SHISA6: variants seen among roughly 807,000 people sequenced by gnomAD.
SHISA6 encodes shisa family member 6, also known as protein shisa-6.
SHISA6 carries 22 observed loss-of-function variants against 47.9 expected under a neutral mutation model. The observed-to-expected ratio is 0.46, with a 90% CI of 0.33 to 0.66. The LOEUF is 0.66. Among genes scored for constraint, SHISA6 ranks in the 30% least tolerant of loss-of-function variants. The probability of loss-of-function intolerance (pLI) is 0.02; values close to 1 mark genes in which losing one functional copy is unlikely to be tolerated. For missense variants in SHISA6, 680 were observed against 764.6 expected, an observed-to-expected ratio of 0.89 and a Z score of 1.30; for synonymous variants, 388 against 337.8, an observed-to-expected ratio of 1.15 and a Z score of -1.63.
intron 2 of SHISA6, among the ~76,000 whole-genome samples, chr17:11,324,255 T>A (rs962409117): frequency 3.9e-5 from 6 of 152,194 alleles, no homozygotes; most frequent in Non-Finnish European, 8.8e-5. Flanking sequence ...AAGGGAAGAC[T>A]TTCCAATCCT....
At chr17:11,406,090 G>C (rs1234933407) in intron 3 of SHISA6, among the ~76,000 whole-genome samples, 1 of 152,170 alleles carries the variant, frequency 6.6e-6, no homozygotes, top group East Asian at 1.9e-4. Flanking sequence ...CCTTTGCACA[G>C]AAAATTAATT....
intron 2 of SHISA6, among the ~76,000 whole-genome samples, chr17:11,266,301 T>C (rs1908422320): frequency 6.6e-6 from 1 of 152,154 alleles, no homozygotes; most frequent in Non-Finnish European, 1.5e-5. Flanking sequence ...AGCATATGAG[T>C]AGCTTTGCTA....
At chr17:11,380,233 A>G (rs1261682365) in intron 3 of SHISA6, 1 of 152,212 alleles carries the variant, frequency 6.6e-6, no homozygotes, top group Non-Finnish European at 1.5e-5. Flanking sequence ...GTGCTGTTAT[A>G]GATCAAATGT....
chr17:11,496,623 C>T (rs966867180), intron 3 of SHISA6, among the ~76,000 whole-genome samples: 1 of 151,988 alleles, frequency 6.6e-6, no homozygotes, highest in Non-Finnish European at 1.5e-5. Context: ...CCTGTAATCC[C>T]AGCTACTCGG....
At chr17:11,491,086 G>A (rs749023290) in intron 3 of SHISA6, among the ~76,000 whole-genome samples, 3 of 152,204 alleles carry the variant, frequency 2.0e-5, no homozygotes, top group Non-Finnish European at 2.9e-5. Flanking sequence ...GTCGGGTTAG[G>A]GGCATCTCCA....
intron 2 of SHISA6, among the ~76,000 whole-genome samples, chr17:11,316,406 T>C (rs1026485470): frequency 1.5e-5 from 1 of 68,850 alleles, no homozygotes; most frequent in Non-Finnish European, 2.6e-5. Flanking sequence ...TGTCTCTCTC[T>C]CTCTCTCTCT....
chr17:11,354,868 G>T (rs1278099652), intron 2 of SHISA6, among the ~76,000 whole-genome samples: 1 of 152,146 alleles, frequency 6.6e-6, no homozygotes, highest in Admixed American at 6.5e-5. Flanking sequence ...GTTCCATTGA[G>T]CTTTAGATGT....
intron 2 of SHISA6, among the ~76,000 whole-genome samples, chr17:11,371,895 A>G (rs910175113): frequency 6.6e-6 from 1 of 152,116 alleles, no homozygotes; most frequent in Admixed American, 6.6e-5. Flanking sequence ...CCCTCTCCTC[A>G]AAGGAAAGAA....
intron 3 of SHISA6, among the ~76,000 whole-genome samples, chr17:11,407,156 C>T (rs1913989846): frequency 6.6e-6 from 1 of 151,944 alleles, no homozygotes; most frequent in Non-Finnish European, 1.5e-5. Context: ...CATATATTAA[C>T]TCATTTATAC....
intron 2 of SHISA6, among the ~76,000 whole-genome samples, chr17:11,319,746 C>T (rs370134994): frequency 2.0e-5 from 3 of 152,268 alleles, no homozygotes; most frequent in African/African-American, 7.2e-5. Context: ...GTATTCAATT[C>T]CTTAAAGTGT....
intron 1 of SHISA6, among the ~76,000 whole-genome samples, chr17:11,242,567 C>T (rs1159383900): frequency 1.3e-5 from 2 of 152,124 alleles, no homozygotes; most frequent in Non-Finnish European, 2.9e-5. Context: ...TGCCTCCTGC[C>T]GGAAGTAGGG....
intron 3 of SHISA6, among the ~76,000 whole-genome samples, chr17:11,393,717 C>T (rs187180070): frequency 1.3e-5 from 2 of 152,084 alleles, no homozygotes; most frequent in East Asian, 3.9e-4. Context: ...TCTTTCATTC[C>T]TCTATTCTGT....
At chr17:11,260,040 G>T (rs1448825088) in intron 1 of SHISA6, among the ~76,000 whole-genome samples, 1 of 152,204 alleles carries the variant, frequency 6.6e-6, no homozygotes, top group African/African-American at 2.4e-5. Context: ...AATGCATCGA[G>T]AAATTATTAA....
At chr17:11,482,781 A>T (rs764390421) in intron 3 of SHISA6, among the ~76,000 whole-genome samples, 1 of 152,198 alleles carries the variant, frequency 6.6e-6, no homozygotes, top group East Asian at 1.9e-4. Context: ...AGAGGAGAAG[A>T]AGTAAGATGC....
At chr17:11,300,877 G>A (rs1218883892) in intron 2 of SHISA6, among the ~76,000 whole-genome samples, 4 of 52,308 alleles carry the variant, frequency 7.6e-5, no homozygotes, top group Non-Finnish European at 1.2e-4. Flanking sequence ...CCACCCTCCC[G>A]CCCCATCTGC....
intron 2 of SHISA6, among the ~76,000 whole-genome samples, chr17:11,343,524 T>C (rs1204101346): frequency 2.0e-5 from 3 of 152,054 alleles, no homozygotes; most frequent in Non-Finnish European, 4.4e-5. Context: ...ATCTCAATCC[T>C]GCTGGGAACA....
chr17:11,327,564 AG>A (rs1910942030), intron 2 of SHISA6, among the ~76,000 whole-genome samples: 1 of 152,244 alleles, frequency 6.6e-6, no homozygotes, highest in African/African-American at 2.4e-5. Flanking sequence ...TGGGAGGCCA[AG>A]GCGGGTGGAT....
intron 2 of SHISA6, among the ~76,000 whole-genome samples, chr17:11,278,692 A>G (rs2142159196): frequency 6.6e-6 from 1 of 152,354 alleles, no homozygotes; most frequent in Non-Finnish European, 1.5e-5. Flanking sequence ...GGCGAAGGCC[A>G]CATTTATCCC....
chr17:11,417,985 A>G (rs1914333863), intron 3 of SHISA6, among the ~76,000 whole-genome samples: 1 of 152,218 alleles, frequency 6.6e-6, no homozygotes, highest in Non-Finnish European at 1.5e-5. Context: ...GTTAGAAGAT[A>G]GTAAGAAGAA....
Sources: gnomAD v4.1 joint callset for allele counts (sites outside exome capture counted in the v4.1 genomes callset) on GRCh38, gnomAD v4.1.1 for gene constraint, MANE v1.5 for transcripts, NCBI Gene and HGNC (gene_info 2026-07-23, HGNC 2026-07-21) for gene names.